Variants in RIMS1 observed in about 807,000 individuals in gnomAD.
RIMS1 encodes the protein regulating synaptic membrane exocytosis 1.
In RIMS1, 83 loss-of-function variants were observed where a neutral mutation model predicts 214.1. The observed-to-expected ratio is 0.39, with a 90% confidence interval of 0.32 to 0.47. The LOEUF (loss-of-function observed/expected upper bound fraction) is 0.47. Among genes scored for constraint, RIMS1 ranks in the 20% least tolerant of loss-of-function variants. The pLI is 0.99. For synonymous variants in RIMS1, 793 were observed against 786.8 expected, an observed-to-expected ratio of 1.01 and a Z score of -0.13; for missense variants, 2,050 against 2,161.8, an observed-to-expected ratio of 0.95 and a Z score of 1.03.
intron 29 of RIMS1, among the ~76,000 whole-genome samples, chr6:72,350,439 A>C (rs1011520357): frequency 1.3e-5 from 2 of 152,096 alleles, no homozygotes; most frequent in African/African-American, 2.4e-5. Context: ...AGGCAACAGC[A>C]TGTCTTCTAG....
At chr6:72,002,806 A>C (rs1805740970) in intron 2 of RIMS1, among the ~76,000 whole-genome samples, 1 of 152,012 alleles carries the variant, frequency 6.6e-6, no homozygotes, top group Non-Finnish European at 1.5e-5. Context: ...AATAGAACTC[A>C]CCTGGAGTGT....
At chr6:72,354,344 A>G (rs1054917739) in intron 29 of RIMS1, among the ~76,000 whole-genome samples, 22 of 151,622 alleles carry the variant, frequency 1.5e-4, no homozygotes, top group Admixed American at 3.9e-4. Flanking sequence ...TTAAGCTAGA[A>G]CTCTATTTTA....
At chr6:71,888,354 A>G (rs1055852883) in intron 1 of RIMS1, among the ~76,000 whole-genome samples, 2 of 152,130 alleles carry the variant, frequency 1.3e-5, no homozygotes, top group Non-Finnish European at 2.9e-5. Context: ...TGGAAGGTGT[A>G]TCTGGGGCCA....
intron 26 of RIMS1, among the ~76,000 whole-genome samples, chr6:72,295,091 T>C (rs1030495281): frequency 6.6e-6 from 1 of 151,818 alleles, no homozygotes; most frequent in Non-Finnish European, 1.5e-5. Flanking sequence ...CAACTGGATC[T>C]TTTAAAGAAG....
rs1487453519 is a variant in RIMS1 at position 71,887,042 on chromosome 6, C to A, written c.19C>A (p.Pro7Thr). The change falls in exon 1 of 34, where the codon CCC becomes ACC. Residue 7 changes from proline to threonine, a missense_variant. Coordinates refer to ENST00000521978, the MANE Select transcript of RIMS1 (RefSeq NM_014989.7). MSSAVG[P>T]RGPRPPTVPP... Reference sequence around the variant, plus strand: ...CACGAAAATGTCCTCGGCCGTGGGGCCCCGCGGTCCTCGCCCACCCACGGT... The same window carrying A: ...CACGAAAATGTCCTCGGCCGTGGGGACCCGCGGTCCTCGCCCACCCACGGT... 1.2e-6 allele frequency: 2 copies of A among 1,613,210 alleles called. No homozygotes were observed. Among genetic ancestry groups the A allele is most frequent in the Admixed American group, 3.3e-5 (2 of 59,948 alleles).
At chr6:71,915,028 A>G (rs760526507) in intron 1 of RIMS1, among the ~76,000 whole-genome samples, 4 of 152,200 alleles carry the variant, frequency 2.6e-5, no homozygotes, top group Middle Eastern at 3.4e-3. Flanking sequence ...ATTTAATTCT[A>G]TTTGAGGAGC....
chr6:72,104,468 T>TC (rs1298908878), intron 4 of RIMS1, among the ~76,000 whole-genome samples: 7 of 152,158 alleles, frequency 4.6e-5, no homozygotes, highest in African/African-American at 1.7e-4. Flanking sequence ...GACAGGGAGC[T>TC]CCTGACCACT....
chr6:72,141,340 T>A (rs2042054727), intron 4 of RIMS1, among the ~76,000 whole-genome samples: 1 of 151,980 alleles, frequency 6.6e-6, no homozygotes, highest in Non-Finnish European at 1.5e-5. Context: ...AGTGGAACTT[T>A]TAATGCTATT....
intron 1 of RIMS1, among the ~76,000 whole-genome samples, chr6:71,934,609 G>A (rs754643782): frequency 6.6e-6 from 1 of 152,162 alleles, no homozygotes; most frequent in Non-Finnish European, 1.5e-5. Context: ...GGCATTGCTA[G>A]CATTACTGAG....
intron 6 of RIMS1, among the ~76,000 whole-genome samples, chr6:72,184,397 CTACG>C (rs1377092038): frequency 2.6e-5 from 4 of 152,180 alleles, no homozygotes; most frequent in Non-Finnish European, 5.9e-5. Flanking sequence ...GTTGCTGCAG[CTACG>C]TCAGCAGGAG....
chr6:71,957,908 T>G (rs1295810431), intron 1 of RIMS1, among the ~76,000 whole-genome samples: 3 of 152,046 alleles, frequency 2.0e-5, no homozygotes, highest in Non-Finnish European at 4.4e-5. Context: ...AAAAATTAAT[T>G]TAAGCAACTT....
intron 6 of RIMS1, among the ~76,000 whole-genome samples, chr6:72,198,287 C>T (rs970839798): frequency 6.6e-6 from 1 of 151,832 alleles, no homozygotes; most frequent in African/African-American, 2.4e-5. Context: ...GAATGAAATC[C>T]TCTTATTTGC....
chr6:72,197,905 G>GA (rs1282228797), intron 6 of RIMS1, among the ~76,000 whole-genome samples: 1 of 151,966 alleles, frequency 6.6e-6, no homozygotes, highest in Non-Finnish European at 1.5e-5. Flanking sequence ...AGGAAAAGGG[G>GA]AAAAATGTAT....
At chr6:72,317,005 T>TCCC in intron 28 of RIMS1, 1 of 426,448 alleles carries the variant, frequency 2.3e-6, no homozygotes, top group Non-Finnish European at 4.7e-6. Context: ...CTGGGAAGCC[T>TCCC]CCCCCTCCAT....
intron 4 of RIMS1, among the ~76,000 whole-genome samples, chr6:72,169,679 A>C (rs1348814672): frequency 6.6e-6 from 1 of 152,166 alleles, no homozygotes; most frequent in African/African-American, 2.4e-5. Flanking sequence ...TAAGGCGGGC[A>C]GATTGCTTGA....
At chr6:72,043,175 C>CAG (rs1283609005) in intron 2 of RIMS1, among the ~76,000 whole-genome samples, 1 of 151,508 alleles carries the variant, frequency 6.6e-6, no homozygotes, top group East Asian at 1.9e-4. Flanking sequence ...CACACACACA[C>CAG]ACACGCCTGC....
chr6:72,137,996 C>A (rs1265883442), intron 4 of RIMS1, among the ~76,000 whole-genome samples: 4 of 151,902 alleles, frequency 2.6e-5, no homozygotes, highest in South Asian at 4.1e-4. Flanking sequence ...TTGGCCTCCC[C>A]AAGTGCTGAG....
intron 6 of RIMS1, among the ~76,000 whole-genome samples, chr6:72,226,555 A>C (rs1361403920): frequency 6.6e-6 from 1 of 152,034 alleles, no homozygotes; most frequent in Non-Finnish European, 1.5e-5. Flanking sequence ...AATATAAACT[A>C]AAAAAATGAA....
At chr6:72,062,934 C>T (rs926526744) in intron 2 of RIMS1, among the ~76,000 whole-genome samples, 1 of 152,150 alleles carries the variant, frequency 6.6e-6, no homozygotes, top group African/African-American at 2.4e-5. Flanking sequence ...GATTAGGGCT[C>T]TCTCTAATAA....
Sources: allele counts gnomAD v4.1 joint callset (sites outside exome capture counted in the v4.1 genomes callset), GRCh38; gene constraint gnomAD v4.1.1; transcripts MANE v1.5; gene names NCBI Gene and HGNC (gene_info 2026-07-23, HGNC 2026-07-21).